Variants in KLHL20 observed in about 807,000 individuals in gnomAD.
KLHL20 encodes the protein kelch like family member 20, also known as kelch-like protein 20.
A neutral mutation model predicts 69.5 loss-of-function variants in KLHL20; 29 were observed. The observed-to-expected ratio is 0.42, with a 90% CI of 0.31 to 0.57. The LOEUF (loss-of-function observed/expected upper bound fraction) is 0.57. Among genes scored for constraint, KLHL20 ranks in the 20% least tolerant of loss-of-function variants. KLHL20 has a pLI of 0.18. For missense variants in KLHL20, 419 were observed against 776.0 expected, an observed-to-expected ratio of 0.54 and a Z score of 5.47; for synonymous variants, 253 against 265.2, an observed-to-expected ratio of 0.95 and a Z score of 0.45.
At chr1:173,746,428 T>C (rs1673062061) in intron 3 of KLHL20, among the ~76,000 whole-genome samples, 1 of 152,186 alleles carries the variant, frequency 6.6e-6, no homozygotes, top group Non-Finnish European at 1.5e-5. Context: ...AATTTATTGT[T>C]AAGTTTTTCT....
At position 173,739,364 on chromosome 1, in the gene KLHL20, G is replaced by T. The variant is rs1199525260; in HGVS notation, c.597+5078G>T. 2.0e-5 allele frequency among the ~76,000 whole-genome samples: 3 copies of T among 152,058 alleles called. No individual in the cohort carries two copies. In the South Asian group the frequency reaches 6.2e-4, roughly 31 times the overall value. On this transcript the variant is annotated intron_variant, in intron 3 of 11. Transcript: ENST00000209884. ...TGGGATTACAGGCACGAGCCATCAC[G>T]CCTGGCCCAATTCTTCTTTAAATGT...
intron 11 of KLHL20, 70 bp from the exon 12 acceptor site, chr1:173,785,093 G>A (rs574336850): frequency 1.8e-4 from 210 of 1,183,874 alleles, no homozygotes; most frequent in Non-Finnish European, 2.3e-4. Flanking sequence ...CATCTTAGTC[G>A]TAGTTAATAA....
At chr1:173,770,795 G>A (rs1366886072) in intron 8 of KLHL20, among the ~76,000 whole-genome samples, 1 of 150,536 alleles carries the variant, frequency 6.6e-6, no homozygotes, top group Non-Finnish European at 1.5e-5. Flanking sequence ...CCTTAAAGAA[G>A]AAAACCAAAG....
chr1:173,782,633 C>T (rs950919388), intron 11 of KLHL20, among the ~76,000 whole-genome samples: 2 of 151,788 alleles, frequency 1.3e-5, no homozygotes, highest in African/African-American at 4.8e-5. Flanking sequence ...GAAACCTATG[C>T]CTAGGAGAAA....
intron 3 of KLHL20, among the ~76,000 whole-genome samples, chr1:173,740,435 T>A (rs1672751331): frequency 6.6e-6 from 1 of 151,860 alleles, no homozygotes; most frequent in African/African-American, 2.4e-5. Flanking sequence ...TCTGCTGGGT[T>A]TGGGTTTGGT....
intron 8 of KLHL20, among the ~76,000 whole-genome samples, chr1:173,767,062 C>T (rs1647780634): frequency 1.3e-5 from 2 of 152,152 alleles, no homozygotes. Flanking sequence ...CACTGCCCCT[C>T]ACCTTGCCAG....
Position 173,774,299 on chromosome 1 carries a change from C to T in KLHL20, c.1296-6C>T, listed in dbSNP as rs1311381033. The T allele has an allele frequency of 1.2e-6, 2 of 1,614,162 alleles. No homozygotes were observed. Among genetic ancestry groups the T allele is most frequent in the South Asian group, 2.2e-5 (2 of 91,086 alleles). ...CAAGCATACAGTCTGGTTTCCCTCACTGCAGGTATGATCCGAAGGAGAACA... is the reference window on the plus strand; with the variant it reads ...CAAGCATACAGTCTGGTTTCCCTCATTGCAGGTATGATCCGAAGGAGAACA... On this transcript the variant is annotated splice_region_variant and splice_polypyrimidine_tract_variant and intron_variant, in intron 8 of 11. Coordinates refer to ENST00000209884, the MANE Select transcript of KLHL20 (RefSeq NM_014458.4).
chr1:173,769,973 G>A (rs1461653832), intron 8 of KLHL20, among the ~76,000 whole-genome samples: 1 of 151,758 alleles, frequency 6.6e-6, no homozygotes, highest in Non-Finnish European at 1.5e-5. Context: ...AAAAAAAGAA[G>A]GAGCTCCACA....
At chr1:173,765,471 C>T (rs967105798) in intron 7 of KLHL20, among the ~76,000 whole-genome samples, 5 of 151,908 alleles carry the variant, frequency 3.3e-5, no homozygotes, top group Non-Finnish European at 7.4e-5. Flanking sequence ...CCACTGTACT[C>T]CAGCCTGCGC....
chr1:173,720,344 TAAGAG>T (rs1248743576), intron 2 of KLHL20, among the ~76,000 whole-genome samples: 4 of 148,864 alleles, frequency 2.7e-5, no homozygotes, highest in East Asian at 3.9e-4. Context: ...AAAAAAAAGA[TAAGAG>T]AGAGTACCAA....
chr1:173,784,327 C>CA (rs1394287813), intron 11 of KLHL20, among the ~76,000 whole-genome samples: 5 of 152,188 alleles, frequency 3.3e-5, no homozygotes, highest in African/African-American at 1.2e-4. Context: ...TTGGGCCTCT[C>CA]ACTGGCAGGA....
rs762249134 is a variant in KLHL20 at position 173,733,738 on chromosome 1, A to G, written c.49A>G (p.Thr17Ala). 2 of 1,613,776 alleles carry G rather than the reference A, an allele frequency of 1.2e-6. No individual in the cohort carries two copies. Among genetic ancestry groups the G allele is most frequent in the Non-Finnish European group, 1.7e-6 (2 of 1,179,862 alleles). The change falls in exon 3 of 12, where the codon ACT (threonine) becomes GCT (alanine). Residue 17 changes from threonine (T) to alanine (A), a missense_variant. Transcript: ENST00000209884. ...GTGTACCAACATTCGACCAGGAGAGACTGGAATGGATGTAACAAGCCGCTG... is the reference window on the plus strand; with the variant it reads ...GTGTACCAACATTCGACCAGGAGAGGCTGGAATGGATGTAACAAGCCGCTG... ...RRCTNIRPGE[T>A]GMDVTSRCTL...
chr1:173,768,137 G>A (rs1472012420), intron 8 of KLHL20, among the ~76,000 whole-genome samples: 1 of 151,932 alleles, frequency 6.6e-6, no homozygotes, highest in Non-Finnish European at 1.5e-5. Flanking sequence ...ATAATACTTT[G>A]TATAGGACAT....
rs184205306 is a variant in KLHL20, at chr1:173,727,508, A to G, written c.24-6205A>G. Reference sequence around the variant, plus strand: ...TTAAGGGCAGCCAGAGAGAAAGGTCAGGTAACCCACAAAGGGAAGCCCATC... The same window carrying G: ...TTAAGGGCAGCCAGAGAGAAAGGTCGGGTAACCCACAAAGGGAAGCCCATC... On this transcript the variant is annotated intron_variant, in intron 2 of 11. Transcript: ENST00000209884. 1.5e-4 allele frequency among the ~76,000 whole-genome samples: 23 copies of G among 152,360 alleles called. 1 individual carries two copies. Among genetic ancestry groups the G allele is most frequent in the African/African-American group, 5.0e-4 (21 of 41,588 alleles).
chr1:173,716,683 T>A (rs768275302), intron 2 of KLHL20, among the ~76,000 whole-genome samples: 2 of 152,180 alleles, frequency 1.3e-5, no homozygotes, highest in Non-Finnish European at 2.9e-5. Flanking sequence ...GAGACTAGAA[T>A]CTTTATGATA....
In KLHL20 at chr1:173,775,785, C is replaced by A; in HGVS notation, c.1581C>A (p.Tyr527Ter). The A allele has an allele frequency of 6.2e-7, 1 of 1,614,174 alleles. No homozygotes were observed. Among genetic ancestry groups the A allele is most frequent in the Non-Finnish European group, 8.5e-7 (1 of 1,180,020 alleles). Reference sequence around the variant, plus strand: ...CAGAGCTGAGCAGTGCTGAGAGATACAACCCCAGAACCAACCAGTGGTCTC... The same window carrying A: ...CAGAGCTGAGCAGTGCTGAGAGATAAAACCCCAGAACCAACCAGTGGTCTC... ...DTTELSSAERYNPRTNQWSPV... is the reference protein window; with the variant it reads ...DTTELSSAER Residue 527 changes from tyrosine (Y) to a stop codon, truncating the protein, a stop_gained, in exon 10 of 12, where the codon TAC becomes TAA. Coordinates refer to ENST00000209884, the MANE Select transcript of KLHL20 (RefSeq NM_014458.4). LOFTEE classifies it high-confidence loss of function.
chr1:173,732,680 C>T (rs1387262166), intron 2 of KLHL20, among the ~76,000 whole-genome samples: 1 of 152,146 alleles, frequency 6.6e-6, no homozygotes, highest in Non-Finnish European at 1.5e-5. Context: ...TGCAAACCTC[C>T]AAATAAACTT....
intron 2 of KLHL20, among the ~76,000 whole-genome samples, chr1:173,729,255 C>G (rs1248947354): frequency 1.3e-5 from 2 of 152,112 alleles, no homozygotes; most frequent in Admixed American, 6.6e-5. Context: ...AAAAAAAGTC[C>G]AGGACCAGAT....
At chr1:173,735,422 G>T (rs753575416) in intron 3 of KLHL20, among the ~76,000 whole-genome samples, 1 of 151,250 alleles carries the variant, frequency 6.6e-6, no homozygotes, top group South Asian at 2.1e-4. Flanking sequence ...CTCCAGCCTG[G>T]GTGAGAGAGC....
Sources: gnomAD v4.1 joint callset for allele counts (sites outside exome capture counted in the v4.1 genomes callset) on GRCh38, gnomAD v4.1.1 for gene constraint, MANE v1.5 for transcripts, NCBI Gene and HGNC (gene_info 2026-07-23, HGNC 2026-07-21) for gene names.